CDH19: variants seen among roughly 807,000 people sequenced by gnomAD.
CDH19 encodes cadherin-19.
A neutral mutation model predicts 64.2 loss-of-function variants in CDH19; 67 were observed. The ratio of observed to expected loss-of-function variants is 1.04; its 90% CI spans 0.86 to 1.28. The LOEUF (loss-of-function observed/expected upper bound fraction) is 1.28, where lower values mean the gene tolerates loss of function less well. Among genes scored for constraint, CDH19 ranks in the 50% most tolerant of loss-of-function variants. The probability of loss-of-function intolerance (pLI) is 0.00; values close to 1 mark genes in which losing one functional copy is unlikely to be tolerated. For synonymous variants in CDH19, 346 were observed against 319.3 expected, an observed-to-expected ratio of 1.08 and a Z score of -0.89; for missense variants, 1,030 against 929.0, an observed-to-expected ratio of 1.11 and a Z score of -1.41.
chr18:66,531,157 A>T (rs536045292), intron 8 of CDH19, among the ~76,000 whole-genome samples: 1 of 152,284 alleles, frequency 6.6e-6, no homozygotes, highest in Admixed American at 6.5e-5. Context: ...GTTAAACTTA[A>T]GCTACAGTCT....
intron 3 of CDH19, among the ~76,000 whole-genome samples, chr18:66,560,358 A>G (rs1053785776): frequency 2.0e-5 from 3 of 151,978 alleles, no homozygotes; most frequent in Non-Finnish European, 4.4e-5. Context: ...GGTCAGCTTG[A>G]TATCTCCATT....
intron 7 of CDH19, 45 bp from the exon 8 acceptor site, chr18:66,535,152 C>T (rs773494145): frequency 4.9e-6 from 6 of 1,236,166 alleles, no homozygotes; most frequent in African/African-American, 1.5e-5. Context: ...ATTCTATCTG[C>T]ATAACAGTGT....
chr18:66,515,398 CA>C (rs1985691795), intron 9 of CDH19, among the ~76,000 whole-genome samples: 1 of 151,680 alleles, frequency 6.6e-6, no homozygotes, highest in Non-Finnish European at 1.5e-5. Context: ...AGGTGTTGAA[CA>C]TCTGTTCAAA....
intron 7 of CDH19, among the ~76,000 whole-genome samples, chr18:66,535,754 A>G (rs1568184234): frequency 6.8e-6 from 1 of 147,056 alleles, no homozygotes; most frequent in African/African-American, 2.5e-5. Context: ...TCTATATTAC[A>G]TATAGAAAAT....
chr18:66,514,044 A>T (rs1284454370), intron 9 of CDH19, among the ~76,000 whole-genome samples: 1 of 151,474 alleles, frequency 6.6e-6, no homozygotes, highest in Non-Finnish European at 1.5e-5. Context: ...ACATTATCTT[A>T]GATAATCTTC....
intron 3 of CDH19, among the ~76,000 whole-genome samples, chr18:66,566,772 T>C (rs1987926657): frequency 6.6e-6 from 1 of 151,888 alleles, no homozygotes. Context: ...ATCCCACTCA[T>C]TCTAATTTGC....
At chr18:66,568,828 C>A in intron 2 of CDH19, 118 bp from the exon 3 acceptor site, 1 of 813,388 alleles carries the variant, frequency 1.2e-6, no homozygotes, top group Non-Finnish European at 1.9e-6. Context: ...TATATTATTT[C>A]CACATTACAT....
rs559919341 is a variant in CDH19, at chr18:66,538,601, A to ATTTT, written c.1215-3495_1215-3494insAAAA. Reference sequence around the variant, plus strand: ...AAAGCTGCCATAAATGCTTGCATACAGGTTTTCATGTCAAAATAAATACAC... The same window carrying ATTTT: ...AAAGCTGCCATAAATGCTTGCATACATTTTGGTTTTCATGTCAAAATAAATACAC... On this transcript the variant is annotated intron_variant, in intron 7 of 11. Transcript: ENST00000262150. Among the ~76,000 whole-genome samples the ATTTT allele has an allele frequency of 5.6e-3, 851 of 152,270 alleles. 11 individuals carry two copies. The highest frequency in any genetic ancestry group is 0.019 in the African/African-American group (795 of 41,566).
intron 1 of CDH19, among the ~76,000 whole-genome samples, chr18:66,590,233 A>C (rs2144625154): frequency 6.6e-6 from 1 of 152,014 alleles, no homozygotes; most frequent in South Asian, 2.1e-4. Context: ...TTCAGGAAAT[A>C]TCATCACCAT....
intron 1 of CDH19, among the ~76,000 whole-genome samples, chr18:66,580,024 C>T (rs948843325): frequency 4.6e-5 from 7 of 151,920 alleles, no homozygotes; most frequent in Admixed American, 2.6e-4. Context: ...GTTCGGGTCA[C>T]GAGTATTTGG....
chr18:66,549,439 T>C (rs564980911), intron 5 of CDH19, among the ~76,000 whole-genome samples: 1 of 152,206 alleles, frequency 6.6e-6, no homozygotes, highest in East Asian at 1.9e-4. Flanking sequence ...AAGTTCTGGG[T>C]ATTTCATATT....
At position 66,545,823 on chromosome 18, in the gene CDH19, G is replaced by A. The variant is rs1599001493; in HGVS notation, c.776-920C>T. ...AAATGCAAGGAAATATAGATCGAAA[G>A]GAGTTGGTAAGTGAATGTAATATAA... On this transcript the variant is annotated intron_variant, in intron 5 of 11. Coordinates refer to ENST00000262150, the MANE Select transcript of CDH19 (RefSeq NM_021153.4). 3.3e-5 allele frequency among the ~76,000 whole-genome samples: 5 copies of A among 152,182 alleles called. No homozygotes were observed. The East Asian group carries it at 9.7e-4, about 29-fold the overall frequency.
intron 1 of CDH19, among the ~76,000 whole-genome samples, chr18:66,583,612 G>C (rs1286824806): frequency 6.6e-6 from 1 of 151,992 alleles, no homozygotes; most frequent in Non-Finnish European, 1.5e-5. Context: ...CTGTTCCTGA[G>C]TGAGTTTGCT....
intron 4 of CDH19, among the ~76,000 whole-genome samples, chr18:66,551,486 T>C (rs1418105453): frequency 2.6e-5 from 4 of 152,020 alleles, no homozygotes; most frequent in Non-Finnish European, 4.4e-5. Context: ...CTTAATAAAA[T>C]ACTATGTTAA....
At chr18:66,518,688 A>C (rs1315527820) in intron 9 of CDH19, among the ~76,000 whole-genome samples, 1 of 152,180 alleles carries the variant, frequency 6.6e-6, no homozygotes, top group Admixed American at 6.5e-5. Flanking sequence ...TTTTTAGGAA[A>C]GTTTAAATAA....
At chr18:66,559,316 A>G (rs1019303569) in intron 3 of CDH19, among the ~76,000 whole-genome samples, 1 of 152,012 alleles carries the variant, frequency 6.6e-6, no homozygotes, top group African/African-American at 2.4e-5. Context: ...AACTTTCTGA[A>G]TCTGATAATG....
chr18:66,565,053 T>G (rs1987859750), intron 3 of CDH19, among the ~76,000 whole-genome samples: 1 of 151,880 alleles, frequency 6.6e-6, no homozygotes, highest in South Asian at 2.1e-4. Context: ...CATTTTTTTG[T>G]CCACCCATGT....
chr18:66,600,843 A>G (rs1338184362), intron 1 of CDH19, among the ~76,000 whole-genome samples: 1 of 151,900 alleles, frequency 6.6e-6, no homozygotes, highest in African/African-American at 2.4e-5. Flanking sequence ...AGCATTCGAT[A>G]AAAGAGAGAA....
At chr18:66,527,194 C>T (rs1289205363) in intron 9 of CDH19, among the ~76,000 whole-genome samples, 1 of 151,592 alleles carries the variant, frequency 6.6e-6, no homozygotes, top group Non-Finnish European at 1.5e-5. Flanking sequence ...TTTAGTATAA[C>T]TAACAAATAC....
Sources: gnomAD v4.1 joint callset for allele counts (sites outside exome capture counted in the v4.1 genomes callset) on GRCh38, gnomAD v4.1.1 for gene constraint, MANE v1.5 for transcripts, NCBI Gene and HGNC (gene_info 2026-07-23, HGNC 2026-07-21) for gene names.